Variants in ABTB3 observed in about 807,000 individuals in gnomAD.
The protein encoded by ABTB3 is ankyrin repeat- and BTB/POZ domain-containing protein 3.
the ABTB3 span, among the ~76,000 whole-genome samples, chr12:107,490,738 A>T: frequency 2.0e-5 from 3 of 152,186 alleles, no homozygotes; most frequent in African/African-American, 4.8e-5. Context: ...CAGAAGGAGT[A>T]ACCAAGTCAT....
the ABTB3 span, among the ~76,000 whole-genome samples, chr12:107,540,201 G>A: frequency 1.3e-5 from 2 of 152,194 alleles, no homozygotes; most frequent in Non-Finnish European, 2.9e-5. Flanking sequence ...GCCAGGTCAA[G>A]GTCAGGTGGT....
chr12:107,461,911 A>G, the ABTB3 span, among the ~76,000 whole-genome samples: 1 of 152,190 alleles, frequency 6.6e-6, no homozygotes, highest in Non-Finnish European at 1.5e-5. Context: ...TGATGAATAA[A>G]TAAGGAGGGA....
the ABTB3 span, among the ~76,000 whole-genome samples, chr12:107,643,735 T>C: frequency 6.7e-6 from 1 of 150,308 alleles, no homozygotes; most frequent in Non-Finnish European, 1.5e-5. Context: ...TTACACGTGT[T>C]ATCTGGATTG....
At chr12:107,511,770 T>A in the ABTB3 span, among the ~76,000 whole-genome samples, 1 of 151,988 alleles carries the variant, frequency 6.6e-6, no homozygotes, top group South Asian at 2.1e-4. Context: ...GGGTGAAAAA[T>A]GGAGACCATT....
At chr12:107,633,328 T>C in the ABTB3 span, among the ~76,000 whole-genome samples, 3 of 152,304 alleles carry the variant, frequency 2.0e-5, no homozygotes, top group South Asian at 6.2e-4. Flanking sequence ...GATCTTAGAC[T>C]TCGTAGCCTC....
chr12:107,649,567 G>A, the ABTB3 span: 1 of 405,348 alleles, frequency 2.5e-6, no homozygotes. Flanking sequence ...GTGGTAAGGG[G>A]GCAGGGAAGG....
the ABTB3 span, among the ~76,000 whole-genome samples, chr12:107,369,981 G>A: frequency 1.3e-5 from 2 of 152,022 alleles, no homozygotes; most frequent in East Asian, 3.9e-4. Context: ...CAACCTCTCT[G>A]AGCCTCCGTT....
chr12:107,469,938 CTTTCTCTTTCTTTCTTTCTTTCTTTCTT>C, the ABTB3 span, among the ~76,000 whole-genome samples: 1 of 90,810 alleles, frequency 1.1e-5, no homozygotes, highest in South Asian at 3.4e-4. Flanking sequence ...CTCTCTCTTT[CTTTCTCTTTCTTTCTTTCTTTCTTTCTT>C]TCTTTCTTTC....
At chr12:107,471,798 C>A in the ABTB3 span, among the ~76,000 whole-genome samples, 5 of 152,096 alleles carry the variant, frequency 3.3e-5, no homozygotes, top group Non-Finnish European at 7.4e-5. Context: ...ATTAACTCTG[C>A]CCCCGTGCCT....
chr12:107,497,264 C>A, the ABTB3 span, among the ~76,000 whole-genome samples: 5 of 151,148 alleles, frequency 3.3e-5, no homozygotes, highest in East Asian at 5.8e-4. Context: ...ATCACCACCA[C>A]CATCCCCAAC....
the ABTB3 span, among the ~76,000 whole-genome samples, chr12:107,560,533 C>A: frequency 6.6e-6 from 1 of 152,296 alleles, no homozygotes; most frequent in East Asian, 1.9e-4. Context: ...TTGGAGTGAG[C>A]ACTTCCATAC....
chr12:107,344,591 C>T, the ABTB3 span, among the ~76,000 whole-genome samples: 2 of 152,292 alleles, frequency 1.3e-5, no homozygotes, highest in South Asian at 2.1e-4. Flanking sequence ...ACCTTGAGTC[C>T]CTCAAATCAC....
At chr12:107,557,053 G>A in the ABTB3 span, among the ~76,000 whole-genome samples, 7 of 152,024 alleles carry the variant, frequency 4.6e-5, no homozygotes, top group Admixed American at 3.3e-4. Flanking sequence ...CACTCCATCC[G>A]ATTGGACAGC....
the ABTB3 span, among the ~76,000 whole-genome samples, chr12:107,536,981 G>T: frequency 6.6e-6 from 1 of 152,182 alleles, no homozygotes; most frequent in Non-Finnish European, 1.5e-5. Context: ...AACCTATGAT[G>T]AATTCATCAA....
chr12:107,580,186 A>G, the ABTB3 span, among the ~76,000 whole-genome samples: 1 of 152,220 alleles, frequency 6.6e-6, no homozygotes, highest in Non-Finnish European at 1.5e-5. Context: ...TGCACATTAA[A>G]TTCACATGGG....
At chr12:107,427,085 C>T in the ABTB3 span, among the ~76,000 whole-genome samples, 1 of 152,178 alleles carries the variant, frequency 6.6e-6, no homozygotes, top group East Asian at 1.9e-4. Context: ...AGGTCAGAAG[C>T]CCAAAATGAG....
the ABTB3 span, among the ~76,000 whole-genome samples, chr12:107,496,314 G>C: frequency 1.2e-4 from 19 of 152,178 alleles, no homozygotes; most frequent in Admixed American, 1.0e-3. Context: ...AACCAGACCA[G>C]CTCCTTCTTC....
At chr12:107,638,408 C>A in the ABTB3 span, among the ~76,000 whole-genome samples, 2 of 152,182 alleles carry the variant, frequency 1.3e-5, no homozygotes, top group African/African-American at 4.8e-5. Context: ...TGAGTGGTCA[C>A]AGCCCCCAGG....
the ABTB3 span, among the ~76,000 whole-genome samples, chr12:107,623,130 G>T: frequency 4.8e-5 from 7 of 146,244 alleles, no homozygotes; most frequent in Admixed American, 4.8e-4. Context: ...GTGCAATCTC[G>T]GCTCACTGCA....
Sources: allele counts gnomAD v4.1 joint callset (sites outside exome capture counted in the v4.1 genomes callset), GRCh38; gene constraint gnomAD v4.1.1; transcripts MANE v1.5; gene names NCBI Gene and HGNC (gene_info 2026-07-23, HGNC 2026-07-21).